The following SNX27 variants were observed in gnomAD, a reference collection of about 807,000 sequenced individuals.
SNX27 encodes sorting nexin-27.
A neutral mutation model predicts 71.6 loss-of-function variants in SNX27; 22 were observed. The observed-to-expected ratio is 0.31, with a 90% CI of 0.22 to 0.44. The LOEUF is 0.44. Among genes scored for constraint, SNX27 ranks in the 20% least tolerant of loss-of-function variants. The pLI is 1.00. For synonymous variants in SNX27, 269 were observed against 277.2 expected (o/e 0.97, Z 0.29); for missense variants, 531 against 698.6 (o/e 0.76, Z 2.70).
intron 7 of SNX27, among the ~76,000 whole-genome samples, chr1:151,673,140 C>T (rs1191026202): frequency 2.0e-5 from 3 of 151,630 alleles, no homozygotes; most frequent in Non-Finnish European, 4.4e-5. Context: ...TTTGCTGTAT[C>T]CCATAGGTTT....
At chr1:151,624,166 A>G (rs763687759) in intron 1 of SNX27, among the ~76,000 whole-genome samples, 4 of 151,434 alleles carry the variant, frequency 2.6e-5, no homozygotes, top group African/African-American at 7.3e-5. Flanking sequence ...GGGTCTTGCT[A>G]TGTTCCCCAG....
At chr1:151,644,081 T>C (rs1668912933) in intron 2 of SNX27, among the ~76,000 whole-genome samples, 1 of 152,230 alleles carries the variant, frequency 6.6e-6, no homozygotes, top group South Asian at 2.1e-4. Context: ...AAAGTACAAT[T>C]AGTAATTTCA....
intron 1 of SNX27, among the ~76,000 whole-genome samples, chr1:151,633,836 C>G (rs997662682): frequency 2.0e-5 from 3 of 152,106 alleles, no homozygotes; most frequent in Non-Finnish European, 4.4e-5. Flanking sequence ...CTGTGATACT[C>G]CACTTTATGA....
At chr1:151,634,154 CAT>C (rs1668369800) in intron 1 of SNX27, among the ~76,000 whole-genome samples, 1 of 152,084 alleles carries the variant, frequency 6.6e-6, no homozygotes, top group Admixed American at 6.6e-5. Flanking sequence ...CTATTTTAGC[CAT>C]TCTTATAGAC....
intron 2 of SNX27, among the ~76,000 whole-genome samples, chr1:151,651,779 T>G (rs1204699703): frequency 6.6e-6 from 1 of 151,734 alleles, no homozygotes; most frequent in Non-Finnish European, 1.5e-5. Context: ...GCAGAGACGC[T>G]CCTCACTTCC....
At chr1:151,628,261 C>T (rs1219582431) in intron 1 of SNX27, among the ~76,000 whole-genome samples, 1 of 152,110 alleles carries the variant, frequency 6.6e-6, no homozygotes, top group Non-Finnish European at 1.5e-5. Context: ...CCCATCTTCG[C>T]CTACCTAAGT....
rs1667243778 is a variant in SNX27, at chr1:151,612,768, T to G, written c.311+256T>G. ...CCCTTGCGCCCCCAGTGCTCCTCCCTGTGCCCCGATTACTCTGGGCTCTTC... is the reference window on the plus strand; with the variant it reads ...CCCTTGCGCCCCCAGTGCTCCTCCCGGTGCCCCGATTACTCTGGGCTCTTC... On this transcript the variant is annotated intron_variant, in intron 1 of 11. Transcript: ENST00000458013. The surrounding 1 kb of genome is among the most constrained non-coding windows in gnomAD (Gnocchi z 5.2). Among the ~76,000 whole-genome samples the G allele has an allele frequency of 6.6e-6, 1 of 152,054 alleles. No individual in the cohort carries two copies. The highest frequency in any genetic ancestry group is 1.5e-5 in the Non-Finnish European group (1 of 68,014).
At chr1:151,619,921 C>A (rs528995384) in intron 1 of SNX27, among the ~76,000 whole-genome samples, 1 of 152,052 alleles carries the variant, frequency 6.6e-6, no homozygotes, top group Non-Finnish European at 1.5e-5. Context: ...TAAAGCTAAA[C>A]GAGGTAATAG....
intron 3 of SNX27, chr1:151,659,694 T>C (rs1308926562): frequency 1.3e-5 from 2 of 152,256 alleles, no homozygotes; most frequent in African/African-American, 4.8e-5. Context: ...TGCCTCCAAA[T>C]GATACATCAG....
rs558497006 is a variant in SNX27 at position 151,683,276 on chromosome 1, G to A, written c.1150-80G>A. The A allele has an allele frequency of 6.7e-5, 76 of 1,134,702 alleles. No individual in the cohort carries two copies. The East Asian group carries it at 1.5e-3, about 23-fold the overall frequency. 70.3% of individuals were successfully genotyped at this position (1,134,702 alleles called of 1,614,324 possible). A position where few individuals can be genotyped will look rare whatever the true frequency, so the allele number is the denominator to read the frequency against. On this transcript the variant is annotated intron_variant, in intron 7 of 11. Transcript: ENST00000458013. ...TGGATAAGAGATTTTCTGAAAATGCGTCTGTGTCTGTTTTCATCGAGAATG... is the reference window on the plus strand; with the variant it reads ...TGGATAAGAGATTTTCTGAAAATGCATCTGTGTCTGTTTTCATCGAGAATG...
chr1:151,649,245 C>T (rs1373187809), intron 2 of SNX27, among the ~76,000 whole-genome samples: 1 of 152,074 alleles, frequency 6.6e-6, no homozygotes, highest in Non-Finnish European at 1.5e-5. Context: ...CAGACGTGAG[C>T]CACTGTGTCT....
At chr1:151,682,714 A>C (rs1393338137) in intron 7 of SNX27, among the ~76,000 whole-genome samples, 1 of 152,170 alleles carries the variant, frequency 6.6e-6, no homozygotes, top group Non-Finnish European at 1.5e-5. Context: ...GAGAGAGCAC[A>C]TGCAGGGGGA....
At chr1:151,674,735 A>G (rs986494395) in intron 7 of SNX27, among the ~76,000 whole-genome samples, 1 of 150,972 alleles carries the variant, frequency 6.6e-6, no homozygotes. Flanking sequence ...TCGCCAGGCT[A>G]GAGGGCAATG....
intron 7 of SNX27, 124 bp from the exon 8 acceptor site, chr1:151,683,232 G>A (rs1671046294): frequency 1.5e-6 from 1 of 678,650 alleles, no homozygotes; most frequent in Non-Finnish European, 2.5e-6. Flanking sequence ...GAGTTCACTG[G>A]TAATGATGGT....
intron 1 of SNX27, among the ~76,000 whole-genome samples, chr1:151,636,247 G>A (rs12079888): frequency 0.021 from 3,202 of 152,236 alleles, 113 homozygotes; most frequent in African/African-American, 0.073. Flanking sequence ...ACAAATGTGC[G>A]TTTCATAAAA....
chr1:151,615,879 G>T lies in SNX27; in HGVS notation c.311+3367G>T. 4.2e-6 allele frequency: 4 copies of T among 950,638 alleles called. No homozygotes were observed. The South Asian group carries it at 1.5e-4, about 34-fold the overall frequency. 58.9% of individuals were successfully genotyped at this position (950,638 alleles called of 1,614,324 possible). A position where few individuals can be genotyped will look rare whatever the true frequency, so the allele number is the denominator to read the frequency against. On this transcript the variant is annotated intron_variant, in intron 1 of 11. Transcript: ENST00000458013. The stretch of plus-strand genomic sequence containing the variant: ...CACAAGTAAGAGCTTCAGTTTCTTT[G>T]TGTTTCTTTTAAAGTCGGCTTACCA...
At chr1:151,684,017 C>A (rs1220386687) in intron 8 of SNX27, among the ~76,000 whole-genome samples, 1 of 152,004 alleles carries the variant, frequency 6.6e-6, no homozygotes, top group Non-Finnish European at 1.5e-5. Flanking sequence ...AGTGCTAAAA[C>A]AAAAGTTGTG....
rs1667235441 is a variant in SNX27, at chr1:151,612,676, G to C, written c.311+164G>C. ...GCAGCCGGGCCCCTCCTTGTGGGCT[G>C]CCCTCCCACCACCCGCCCCGGGGCT... On this transcript the variant is annotated intron_variant, in intron 1 of 11. Coordinates refer to ENST00000458013, the MANE Select transcript of SNX27 (RefSeq NM_001330723.2). The surrounding 1 kb of genome is among the most constrained non-coding windows in gnomAD (Gnocchi z 5.2). Among the ~76,000 whole-genome samples, 1 of 151,528 alleles carries C rather than the reference G, an allele frequency of 6.6e-6. No homozygotes were observed. The highest frequency in any genetic ancestry group is 1.5e-5 in the Non-Finnish European group (1 of 67,872).
rs61159507 is a variant in SNX27 at position 151,692,406 on chromosome 1, CT to C, written c.1240-3del. ...TAACCCTGTTTCCTGTTTCTCCTTC[CT>C]TTTTTTTTTTTTTTTTTTTTTTTTT... On this transcript the variant is annotated intron_variant, in intron 8 of 11. Coordinates refer to ENST00000458013, the MANE Select transcript of SNX27 (RefSeq NM_001330723.2). The C allele has an allele frequency of 0.04, 33,973 of 849,670 alleles. 58 individuals carry two copies. The highest frequency in any genetic ancestry group is 0.077 in the African/African-American group (2,634 of 34,296). 52.6% of individuals were successfully genotyped at this position (849,670 alleles called of 1,614,324 possible).
Sources: allele counts gnomAD v4.1 joint callset (sites outside exome capture counted in the v4.1 genomes callset), GRCh38; gene constraint gnomAD v4.1.1; non-coding constraint Gnocchi (gnomAD v3.1); transcripts MANE v1.5; gene names NCBI Gene and HGNC (gene_info 2026-07-23, HGNC 2026-07-21).